Variants in ADAM12 observed in about 807,000 individuals in gnomAD.
ADAM12 encodes the protein ADAM metallopeptidase domain 12, also known as disintegrin and metalloproteinase domain-containing protein 12.
Under a neutral mutation model 106.4 loss-of-function variants are expected in ADAM12, and 70 were observed. The observed-to-expected ratio is 0.66, with a 90% confidence interval of 0.54 to 0.80. The LOEUF (loss-of-function observed/expected upper bound fraction) is 0.80, where lower values mean the gene tolerates loss of function less well. Among genes scored for constraint, ADAM12 ranks in the 30% least tolerant of loss-of-function variants. The probability of loss-of-function intolerance (pLI) is 0.00; values close to 1 mark genes in which losing one functional copy is unlikely to be tolerated. For synonymous variants in ADAM12, 420 were observed against 433.5 expected (o/e 0.97, Z 0.39); for missense variants, 1,010 against 1,171.9 (o/e 0.86, Z 2.02).
In ADAM12 at chr10:126,275,581, G is replaced by A. The variant is rs142008027; in HGVS notation, c.260+3334C>T. On this transcript the variant is annotated intron_variant, in intron 3 of 22. Transcript: ENST00000448723. ...GCTATAGACTTAAGAGACTGGGACC[G>A]CTTTAATTTAGGTTGTGGTTTCTAA... Among the ~76,000 whole-genome samples the A allele has an allele frequency of 1.6e-3, 248 of 152,232 alleles. 1 individual carries two copies. The highest frequency in any genetic ancestry group is 5.7e-3 in the African/African-American group (238 of 41,536).
At chr10:126,196,627 T>C (rs927435679) in intron 3 of ADAM12, among the ~76,000 whole-genome samples, 1 of 152,188 alleles carries the variant, frequency 6.6e-6, no homozygotes, top group Non-Finnish European at 1.5e-5. Flanking sequence ...CAAGAGTGGG[T>C]AAGAACTGGG....
chr10:126,195,050 T>C (rs1275757843), intron 3 of ADAM12, among the ~76,000 whole-genome samples: 1 of 151,438 alleles, frequency 6.6e-6, no homozygotes, highest in Non-Finnish European at 1.5e-5. Flanking sequence ...CTCCTTTATA[T>C]GTAGAATCTT....
chr10:126,387,356 C>G (rs1362612483), intron 1 of ADAM12, among the ~76,000 whole-genome samples: 2 of 152,088 alleles, frequency 1.3e-5, no homozygotes, highest in African/African-American at 4.8e-5. Flanking sequence ...TAAGTTCTCG[C>G]TGTGCACCAA....
chr10:126,142,169 C>T (rs1007953774), intron 4 of ADAM12, among the ~76,000 whole-genome samples: 2 of 152,276 alleles, frequency 1.3e-5, no homozygotes, highest in South Asian at 2.1e-4. Context: ...GAGACCAGCT[C>T]GGTCAGGGAG....
At chr10:126,244,557 T>G (rs1406182753) in intron 3 of ADAM12, among the ~76,000 whole-genome samples, 1 of 152,190 alleles carries the variant, frequency 6.6e-6, no homozygotes, top group Non-Finnish European at 1.5e-5. Context: ...ATTAACAAGA[T>G]CGTATCCTCT....
At position 126,270,463 on chromosome 10, in the gene ADAM12, G is replaced by A. The variant is rs542292511; in HGVS notation, c.260+8452C>T. ...GATGGAAATGTCCGTCTAGCCACAC[G>A]TGGCTATTGAATACTTGAACTGTGG... On this transcript the variant is annotated intron_variant, in intron 3 of 22. Transcript: ENST00000448723. Among the ~76,000 whole-genome samples, 5 of 152,326 alleles carry A rather than the reference G, an allele frequency of 3.3e-5. No homozygotes were observed. In the East Asian group the frequency reaches 7.7e-4, roughly 24 times the overall value.
intron 2 of ADAM12, among the ~76,000 whole-genome samples, chr10:126,327,514 G>T (rs10901592): frequency 0.28 from 41,940 of 151,794 alleles, 5,930 homozygotes; most frequent in East Asian, 0.32. Flanking sequence ...CCCAGCACTT[G>T]GGGAGATCGA....
intron 2 of ADAM12, among the ~76,000 whole-genome samples, chr10:126,289,965 G>A (rs1164385130): frequency 6.6e-6 from 1 of 152,248 alleles, no homozygotes; most frequent in Non-Finnish European, 1.5e-5. Flanking sequence ...AAAAGGGACT[G>A]TGAAGATGCA....
chr10:126,192,151 A>C (rs2133804938), intron 3 of ADAM12, among the ~76,000 whole-genome samples: 1 of 152,230 alleles, frequency 6.6e-6, no homozygotes, highest in South Asian at 2.1e-4. Context: ...ACAGATCCAA[A>C]CCATATCACT....
intron 1 of ADAM12, among the ~76,000 whole-genome samples, chr10:126,355,972 C>T (rs188189908): frequency 5.3e-5 from 8 of 152,326 alleles, no homozygotes; most frequent in Admixed American, 6.5e-5. Context: ...TTAGGCTCTA[C>T]TTGAAGGCTC....
Position 126,330,526 on chromosome 10 carries a change from A to T in ADAM12, c.89-17T>A. 6.2e-7 allele frequency: 1 copy of T among 1,606,754 alleles called. No homozygotes were observed. The highest frequency in any genetic ancestry group is 8.5e-7 in the Non-Finnish European group (1 of 1,175,342). Reference sequence around the variant, plus strand: ...AGCTCACCCCTGAATCAAAAGGAAAACAGCCCTATATTTCACTCTAGTCAG... The same window carrying T: ...AGCTCACCCCTGAATCAAAAGGAAATCAGCCCTATATTTCACTCTAGTCAG... On this transcript the variant is annotated splice_polypyrimidine_tract_variant and intron_variant, in intron 1 of 22. Transcript: ENST00000448723.
At chr10:126,106,175 C>T (rs1175943371) in intron 8 of ADAM12, among the ~76,000 whole-genome samples, 1 of 152,166 alleles carries the variant, frequency 6.6e-6, no homozygotes, top group Non-Finnish European at 1.5e-5. Flanking sequence ...GGTCCCGGGA[C>T]TCACAGTAGG....
At chr10:126,216,290 G>A (rs1325089652) in intron 3 of ADAM12, among the ~76,000 whole-genome samples, 1 of 152,072 alleles carries the variant, frequency 6.6e-6, no homozygotes, top group African/African-American at 2.4e-5. Context: ...ATAAAACTTC[G>A]CCCTAGCCAA....
chr10:126,243,473 C>CTGTGTGTGTGTGTGTGTGTGTG (rs1215369145), intron 3 of ADAM12, among the ~76,000 whole-genome samples: 1 of 97,204 alleles, frequency 1.0e-5, no homozygotes, highest in Non-Finnish European at 2.0e-5. Context: ...GGGAGCAACT[C>CTGTGTGTGTGTGTGTGTGTGTG]TGTGTGTGTG....
At chr10:126,317,783 G>C (rs565336477) in intron 2 of ADAM12, among the ~76,000 whole-genome samples, 3 of 152,076 alleles carry the variant, frequency 2.0e-5, no homozygotes, top group Non-Finnish European at 2.9e-5. Context: ...TTTTGAGATG[G>C]AGTTTTGCTC....
intron 9 of ADAM12, among the ~76,000 whole-genome samples, chr10:126,100,822 C>G (rs1459757259): frequency 6.6e-6 from 1 of 152,148 alleles, no homozygotes; most frequent in Non-Finnish European, 1.5e-5. Flanking sequence ...TGTCCGGGTT[C>G]TAGAAGAAGG....
intron 1 of ADAM12, among the ~76,000 whole-genome samples, chr10:126,344,590 T>C (rs545835127): frequency 3.3e-5 from 5 of 152,352 alleles, no homozygotes; most frequent in Admixed American, 1.3e-4. Flanking sequence ...GGGGGTGGCA[T>C]TGAATCTATA....
chr10:126,036,135 T>C lies in ADAM12; in HGVS notation c.2529+11A>G, dbSNP rs753966328. ...GAACTACATCCTATCATATTAGTAC[T>C]GAAAGCATACCTGGGCCTGCCTAAG... On this transcript the variant is annotated intron_variant, in intron 21 of 22. Transcript: ENST00000448723. 15 of 1,443,088 alleles carry C rather than the reference T, an allele frequency of 1.0e-5. No individual in the cohort carries two copies. The highest frequency in any genetic ancestry group is 5.7e-5 in the Admixed American group (2 of 34,856). 89.4% of individuals were successfully genotyped at this position (1,443,088 alleles called of 1,614,324 possible). A position where few individuals can be genotyped will look rare whatever the true frequency, so the allele number is the denominator to read the frequency against.
At chr10:126,282,133 G>A (rs566123381) in intron 2 of ADAM12, among the ~76,000 whole-genome samples, 1 of 152,258 alleles carries the variant, frequency 6.6e-6, no homozygotes, top group South Asian at 2.1e-4. Context: ...TTCTGAGGCC[G>A]CTTTCCTTGG....
Sources: gnomAD v4.1 joint callset for allele counts (sites outside exome capture counted in the v4.1 genomes callset) on GRCh38, gnomAD v4.1.1 for gene constraint, MANE v1.5 for transcripts, NCBI Gene and HGNC (gene_info 2026-07-23, HGNC 2026-07-21) for gene names.